Variants in TMC1 observed in about 807,000 individuals in gnomAD.
The protein encoded by TMC1 is transmembrane channel-like protein 1.
Under a neutral mutation model 105.8 loss-of-function variants are expected in TMC1, and 84 were observed. The observed-to-expected ratio is 0.79, with a 90% confidence interval of 0.67 to 0.95. The LOEUF (loss-of-function observed/expected upper bound fraction) is 0.95, where lower values mean the gene tolerates loss of function less well. TMC1 is among the 40% of genes least tolerant of loss of function. The pLI is 0.00. For missense variants in TMC1, 817 were observed against 914.1 expected (o/e 0.89, Z 1.37); for synonymous variants, 315 against 311.5 (o/e 1.01, Z -0.12).
chr9:72,758,722 C>G (rs189866599), intron 12 of TMC1, among the ~76,000 whole-genome samples: 1 of 152,240 alleles, frequency 6.6e-6, no homozygotes, highest in Admixed American at 6.5e-5. Context: ...AGCTCAAGGA[C>G]CTGTATGTGT....
intron 21 of TMC1, among the ~76,000 whole-genome samples, chr9:72,828,420 A>AACACACACAC (rs35308376): frequency 2.0e-5 from 3 of 149,908 alleles, no homozygotes; most frequent in Admixed American, 6.7e-5. Flanking sequence ...TGTTGTTTAA[A>AACACACACAC]ACACACACAC....
chr9:72,775,321 T>C (rs561985472), intron 13 of TMC1, among the ~76,000 whole-genome samples: 1 of 152,252 alleles, frequency 6.6e-6, no homozygotes, highest in African/African-American at 2.4e-5. Context: ...CTTAGAAATC[T>C]TCATGATAAA....
chr9:72,549,001 C>T (rs1484598425), intron 1 of TMC1, among the ~76,000 whole-genome samples: 2 of 152,066 alleles, frequency 1.3e-5, no homozygotes, highest in Non-Finnish European at 2.9e-5. Context: ...GTAGCTGGCA[C>T]ATAGTGGACA....
In TMC1 at chr9:72,541,151, T is replaced by C. The variant is rs183323954; in HGVS notation, c.-428+19238T>C. 2.2e-3 allele frequency among the ~76,000 whole-genome samples: 338 copies of C among 152,326 alleles called. 4 individuals carry two copies. The highest frequency in any genetic ancestry group is 7.8e-3 in the African/African-American group (325 of 41,560). On this transcript the variant is annotated intron_variant, in intron 1 of 23. Transcript: ENST00000297784. ...CTTTGATTTCTCTTGCCCACATGGA[T>C]GGTTACCTTTTCTGAAATGTCATAG...
intron 13 of TMC1, among the ~76,000 whole-genome samples, chr9:72,775,913 G>A (rs980596147): frequency 6.6e-6 from 1 of 152,096 alleles, no homozygotes; most frequent in Non-Finnish European, 1.5e-5. Flanking sequence ...GCTCTCGTGG[G>A]AGCTAATAGA....
At chr9:72,763,670 A>C (rs1021155820) in intron 12 of TMC1, among the ~76,000 whole-genome samples, 2 of 151,100 alleles carry the variant, frequency 1.3e-5, no homozygotes, top group Non-Finnish European at 2.9e-5. Flanking sequence ...TATTCAGGGG[A>C]CTGAGTAAAA....
At chr9:72,688,616 A>T in intron 5 of TMC1, 93 bp from the exon 6 acceptor site, 1 of 1,235,164 alleles carries the variant, frequency 8.1e-7, no homozygotes, top group Non-Finnish European at 1.2e-6. Context: ...ACTGCACAAA[A>T]ACATTATGAT....
chr9:72,598,527 T>C (rs920680129), intron 2 of TMC1, among the ~76,000 whole-genome samples: 18 of 152,166 alleles, frequency 1.2e-4, no homozygotes, highest in African/African-American at 3.9e-4. Flanking sequence ...TGATAATCTT[T>C]TTCTGCCCCC....
chr9:72,787,399 T>C (rs577797220), intron 13 of TMC1, among the ~76,000 whole-genome samples: 6 of 152,322 alleles, frequency 3.9e-5, no homozygotes, highest in Middle Eastern at 3.4e-3. Flanking sequence ...GATCTAGAGA[T>C]ACCGGTCAAC....
At position 72,650,878 on chromosome 9, in the gene TMC1, A is replaced by ATATATATC. The variant is rs1257975223; in HGVS notation, c.16+2218_16+2219insTATCTATA. On this transcript the variant is annotated intron_variant, in intron 5 of 23. Coordinates refer to ENST00000297784, the MANE Select transcript of TMC1 (RefSeq NM_138691.3). ...TGGTATTTCATGGTGTATTTTATATATATAGATATATAGATATATATATAA... is the reference window on the plus strand; with the variant it reads ...TGGTATTTCATGGTGTATTTTATATATATATATCTATAGATATATAGATATATATATAA... 4.3e-3 allele frequency among the ~76,000 whole-genome samples: 572 copies of ATATATATC among 132,964 alleles called. 14 individuals carry two copies. The highest frequency in any genetic ancestry group is 7.1e-3 in the Non-Finnish European group (439 of 61,508). The allele number at this position is 132,964 out of a possible 152,430, so 87.2% of individuals were successfully genotyped here.
chr9:72,801,825 A>AT (rs1368478056), intron 17 of TMC1, among the ~76,000 whole-genome samples: 1 of 152,054 alleles, frequency 6.6e-6, no homozygotes, highest in Non-Finnish European at 1.5e-5. Flanking sequence ...TTTAAAATAT[A>AT]TTTTTCCTAT....
Position 72,645,633 on chromosome 9 carries a change from C to T in TMC1, c.-52-2964C>T, listed in dbSNP as rs2132147455. Among the ~76,000 whole-genome samples, 4 of 152,260 alleles carry T rather than the reference C, an allele frequency of 2.6e-5. No individual in the cohort carries two copies. In the South Asian group the frequency reaches 8.3e-4, roughly 32 times the overall value. On this transcript the variant is annotated intron_variant, in intron 4 of 23. Coordinates refer to ENST00000297784, the MANE Select transcript of TMC1 (RefSeq NM_138691.3). ...TTAGCAGAAAAACGTCTGGCAAAGCCTCACCACAGAGTCCTTCTCCACCAT... is the reference window on the plus strand; with the variant it reads ...TTAGCAGAAAAACGTCTGGCAAAGCTTCACCACAGAGTCCTTCTCCACCAT...
intron 18 of TMC1, among the ~76,000 whole-genome samples, chr9:72,807,148 C>A (rs1828613384): frequency 6.6e-6 from 1 of 152,194 alleles, no homozygotes; most frequent in Admixed American, 6.5e-5. Flanking sequence ...AGGCACTCGG[C>A]ATGCTCAGTC....
intron 20 of TMC1, among the ~76,000 whole-genome samples, chr9:72,825,625 G>A (rs75996738): frequency 0.015 from 2,214 of 152,298 alleles, 63 homozygotes; most frequent in African/African-American, 0.05. Flanking sequence ...ATGACCTGAG[G>A]TGCTGGAGAA....
chr9:72,702,929 A>G (rs1031135827), intron 8 of TMC1, among the ~76,000 whole-genome samples: 1 of 152,098 alleles, frequency 6.6e-6, no homozygotes, highest in Admixed American at 6.5e-5. Flanking sequence ...CCTTAGTACG[A>G]AAGCAGACAC....
intron 12 of TMC1, among the ~76,000 whole-genome samples, chr9:72,769,298 C>T (rs1311509667): frequency 1.3e-5 from 2 of 152,136 alleles, no homozygotes; most frequent in African/African-American, 4.8e-5. Flanking sequence ...CCTTGTCCAA[C>T]AAGATTGTGA....
At chr9:72,701,165 C>T (rs554449064) in intron 8 of TMC1, among the ~76,000 whole-genome samples, 8 of 152,202 alleles carry the variant, frequency 5.3e-5, no homozygotes, top group Admixed American at 1.3e-4. Flanking sequence ...TTTCATGTGA[C>T]AGCTTACATT....
chr9:72,652,179 A>G (rs1252606162), intron 5 of TMC1, among the ~76,000 whole-genome samples: 1 of 152,108 alleles, frequency 6.6e-6, no homozygotes, highest in African/African-American at 2.4e-5. Flanking sequence ...ACATCTTTCC[A>G]TATACTTGTT....
intron 8 of TMC1, among the ~76,000 whole-genome samples, chr9:72,721,406 G>A (rs1827023762): frequency 1.3e-5 from 2 of 152,118 alleles, no homozygotes; most frequent in Admixed American, 1.3e-4. Context: ...ACAATGTATT[G>A]ATCTTGTTGA....
Sources: gnomAD v4.1 joint callset for allele counts (sites outside exome capture counted in the v4.1 genomes callset) on GRCh38, gnomAD v4.1.1 for gene constraint, MANE v1.5 for transcripts, NCBI Gene and HGNC (gene_info 2026-07-23, HGNC 2026-07-21) for gene names.